NOL4: variants seen among roughly 807,000 people sequenced by gnomAD.
NOL4 encodes the protein cancer/testis antigen 125.
In NOL4, 17 loss-of-function variants were observed where a neutral mutation model predicts 75.9. The ratio of observed to expected loss-of-function variants is 0.22; its 90% confidence interval spans 0.15 to 0.34. The LOEUF (loss-of-function observed/expected upper bound fraction) is 0.34. Among genes scored for constraint, NOL4 ranks in the 10% least tolerant of loss-of-function variants. The pLI is 1.00. For missense variants in NOL4, 614 were observed against 793.5 expected (o/e 0.77, Z 2.72); for synonymous variants, 292 against 289.9 (o/e 1.01, Z -0.07).
chr18:34,011,525 C>A (rs2074371508), intron 6 of NOL4, among the ~76,000 whole-genome samples: 5 of 151,588 alleles, frequency 3.3e-5, no homozygotes, highest in African/African-American at 1.2e-4. Flanking sequence ...CTTAGAGATT[C>A]TCCACTATTC....
chr18:33,970,375 A>G (rs73414384), intron 6 of NOL4, among the ~76,000 whole-genome samples: 4,891 of 152,236 alleles, frequency 0.032, 148 homozygotes, highest in Middle Eastern at 0.085. Flanking sequence ...CCCATAAAAT[A>G]TGGTTGAAAA....
At chr18:34,110,663 G>A (rs1277515386) in intron 2 of NOL4, among the ~76,000 whole-genome samples, 1 of 151,996 alleles carries the variant, frequency 6.6e-6, no homozygotes, top group African/African-American at 2.4e-5. Flanking sequence ...TATTCAATAT[G>A]GTACTAGAAG....
At position 34,031,636 on chromosome 18, in the gene NOL4, ATGATTATCC is replaced by A. The variant is rs1332872199; in HGVS notation, c.773-12044_773-12036del. On this transcript the variant is annotated intron_variant, in intron 5 of 10. Transcript: ENST00000261592. ...AGTAGATATTTTATACTTTCAAAAG[ATGATTATCC>A]AAGAGAAAACACTAAAATTCAATAT... Among the ~76,000 whole-genome samples, 8 of 152,348 alleles carry A rather than the reference ATGATTATCC, an allele frequency of 5.3e-5. No homozygotes were observed. In the East Asian group the frequency reaches 1.5e-3, roughly 29 times the overall value.
chr18:34,120,001 A>G (rs1201482847), intron 2 of NOL4, among the ~76,000 whole-genome samples: 2 of 152,214 alleles, frequency 1.3e-5, no homozygotes, highest in Non-Finnish European at 2.9e-5. Flanking sequence ...AACATACAAT[A>G]TTGGAGCCAA....
chr18:33,959,738 C>G (rs1341317609), intron 6 of NOL4, among the ~76,000 whole-genome samples: 2 of 152,042 alleles, frequency 1.3e-5, no homozygotes, highest in Non-Finnish European at 2.9e-5. Flanking sequence ...TCAATTGGTT[C>G]CCTTAAGCTT....
At chr18:34,077,624 C>G (rs572625063) in intron 5 of NOL4, among the ~76,000 whole-genome samples, 256 of 151,796 alleles carry the variant, frequency 1.7e-3, no homozygotes, top group African/African-American at 6.0e-3. Flanking sequence ...CTAAAACCTA[C>G]CAAAGATCCT....
chr18:33,993,305 G>C (rs1431082532), intron 6 of NOL4, among the ~76,000 whole-genome samples: 1 of 151,918 alleles, frequency 6.6e-6, no homozygotes, highest in Non-Finnish European at 1.5e-5. Flanking sequence ...TAGTCTAAGA[G>C]AGCTTAACAA....
At chr18:33,935,655 G>T (rs1339105817) in intron 9 of NOL4, among the ~76,000 whole-genome samples, 1 of 152,128 alleles carries the variant, frequency 6.6e-6, no homozygotes, top group Admixed American at 6.6e-5. Flanking sequence ...ACCACATGCT[G>T]TTGGAAAAAT....
At chr18:34,177,071 G>A (rs908019214) in intron 1 of NOL4, among the ~76,000 whole-genome samples, 1 of 151,712 alleles carries the variant, frequency 6.6e-6, no homozygotes, top group East Asian at 1.9e-4. Context: ...ACAAATAGGC[G>A]AATGATATGT....
chr18:34,218,161 A>C (rs2037046855), intron 1 of NOL4, among the ~76,000 whole-genome samples: 1 of 152,096 alleles, frequency 6.6e-6, no homozygotes, highest in African/African-American at 2.4e-5. Flanking sequence ...CTATTAGGAA[A>C]AGGTCTTTAT....
intron 1 of NOL4, among the ~76,000 whole-genome samples, chr18:34,162,017 C>T (rs1215546375): frequency 4.6e-5 from 7 of 152,078 alleles, no homozygotes; most frequent in South Asian, 2.1e-4. Flanking sequence ...ATTTCTATGC[C>T]GGCAGAAATC....
chr18:34,214,934 T>C (rs1445935933), intron 1 of NOL4, among the ~76,000 whole-genome samples: 1 of 152,154 alleles, frequency 6.6e-6, no homozygotes, highest in Non-Finnish European at 1.5e-5. Flanking sequence ...TCTGTATGAT[T>C]CCACTTATAT....
intron 5 of NOL4, among the ~76,000 whole-genome samples, chr18:34,089,843 G>A (rs1404215263): frequency 2.0e-5 from 3 of 152,184 alleles, no homozygotes; most frequent in Admixed American, 6.6e-5. Flanking sequence ...AGAGTTGTGT[G>A]TCAATAGTGG....
intron 5 of NOL4, among the ~76,000 whole-genome samples, chr18:34,065,347 TA>T (rs1568296700): frequency 6.6e-6 from 1 of 151,944 alleles, no homozygotes. Flanking sequence ...AGTAAGAGCT[TA>T]TTAACCCTCA....
intron 6 of NOL4, among the ~76,000 whole-genome samples, chr18:33,974,725 G>T (rs1439417685): frequency 6.6e-6 from 1 of 151,960 alleles, no homozygotes; most frequent in Non-Finnish European, 1.5e-5. Flanking sequence ...CAATAGACTT[G>T]CTTGACACAG....
chr18:34,001,459 G>T (rs1204313536), intron 6 of NOL4, among the ~76,000 whole-genome samples: 1 of 152,096 alleles, frequency 6.6e-6, no homozygotes, highest in African/African-American at 2.4e-5. Flanking sequence ...ACATCTGCTA[G>T]AAATTGTGCT....
intron 4 of NOL4, among the ~76,000 whole-genome samples, chr18:34,098,071 C>T (rs1202829223): frequency 6.6e-6 from 1 of 151,822 alleles, no homozygotes; most frequent in East Asian, 1.9e-4. Flanking sequence ...TGGATATTGA[C>T]CATGTAGTGG....
intron 5 of NOL4, among the ~76,000 whole-genome samples, chr18:34,071,206 C>A (rs934292845): frequency 1.3e-5 from 2 of 151,706 alleles, no homozygotes; most frequent in Non-Finnish European, 2.9e-5. Flanking sequence ...TATATTGTAC[C>A]CACTAAATAC....
At chr18:34,115,116 G>T (rs1462782364) in intron 2 of NOL4, among the ~76,000 whole-genome samples, 1 of 152,104 alleles carries the variant, frequency 6.6e-6, no homozygotes. Context: ...AGATAAGGAA[G>T]CAAGTTCGAG....
Sources: allele counts gnomAD v4.1 joint callset (sites outside exome capture counted in the v4.1 genomes callset), GRCh38; gene constraint gnomAD v4.1.1; transcripts MANE v1.5; gene names NCBI Gene and HGNC (gene_info 2026-07-23, HGNC 2026-07-21).